FN1: variants seen among roughly 807,000 people sequenced by gnomAD.
The protein encoded by FN1 is fibronectin.
A neutral mutation model predicts 297.3 loss-of-function variants in FN1; 106 were observed. That is an observed-to-expected ratio of 0.36 (90% confidence interval 0.30 to 0.42). FN1 has a LOEUF of 0.42. Ranked by LOEUF, FN1 falls within the 10% of genes least tolerant of loss-of-function variation. The probability of loss-of-function intolerance (pLI) is 1.00; values close to 1 mark genes in which losing one functional copy is unlikely to be tolerated. For synonymous variants in FN1, 1,149 were observed against 1,152.6 expected (o/e 1.00, Z 0.06); for missense variants, 2,690 against 3,124.9 (o/e 0.86, Z 3.32).
Position 215,424,339 on chromosome 2 carries a change from C to A in FN1, c.1037-14G>T. The A allele has an allele frequency of 6.2e-7, 1 of 1,610,104 alleles. No individual in the cohort carries two copies. Among genetic ancestry groups the A allele is most frequent in the South Asian group, 1.1e-5 (1 of 90,912 alleles). ...TCTGGGTTACAGCTACAATCATAAT[C>A]AAAAGAGTGTCAGTAAACAGAGATG... On this transcript the variant is annotated splice_polypyrimidine_tract_variant and intron_variant, in intron 7 of 45. Coordinates refer to ENST00000354785, the MANE Select transcript of FN1 (RefSeq NM_212482.4).
At position 215,394,626 on chromosome 2, in the gene FN1, G is replaced by A. The variant is rs765864571; in HGVS notation, c.3698C>T (p.Thr1233Ile). Residue 1233 changes from threonine (T) to isoleucine (I), a missense_variant, in exon 24 of 46, where the codon ACT becomes ATT. Coordinates refer to ENST00000354785, the MANE Select transcript of FN1 (RefSeq NM_212482.4). The stretch of plus-strand genomic sequence containing the variant: ...CAGGCCGGGACTCAGGTTATCAAAA[G>A]TGCAGGAGCTCTGATCAGCATGGAC... ...EVVHADQSSC[T>I]FDNLSPGLEY... The A allele has an allele frequency of 6.2e-7, 1 of 1,614,100 alleles. No individual in the cohort carries two copies. The highest frequency in any genetic ancestry group is 8.5e-7 in the Non-Finnish European group (1 of 1,179,948).
chr2:215,391,793 A>G lies in FN1; in HGVS notation c.4091T>C (p.Leu1364Pro). 1 of 1,614,148 alleles carries G rather than the reference A, an allele frequency of 6.2e-7. No homozygotes were observed. The highest frequency in any genetic ancestry group is 8.5e-7 in the Non-Finnish European group (1 of 1,179,982). The change falls in exon 26 of 46, where the codon CTG (leucine) becomes CCG (proline). Residue 1364 changes from leucine to proline, a missense_variant. Transcript: ENST00000354785. ...GTCTGGACCAATGTTGGTGAATCGC[A>G]GGTCAGTGGGAGGAGGAACAGCTGG... ...QQTAVPPPTDLRFTNIGPDTM... is the reference protein window; with the variant it reads ...QQTAVPPPTDPRFTNIGPDTM...
At chr2:215,384,695 C>A (rs543073750) in intron 29 of FN1, 165 bp downstream of exon 29, 96 of 596,472 alleles carry the variant, frequency 1.6e-4, no homozygotes, top group African/African-American at 1.5e-3. Flanking sequence ...GGTTTTAGAA[C>A]AAATTATATC....
chr2:215,392,371 G>C (rs2059803278), intron 25 of FN1: 2 of 183,212 alleles, frequency 1.1e-5, no homozygotes, highest in Non-Finnish European at 2.3e-5. Flanking sequence ...TCCCCAGACT[G>C]TGGTTAAAGA....
intron 20 of FN1, among the ~76,000 whole-genome samples, chr2:215,401,885 T>C (rs1360918242): frequency 6.6e-6 from 1 of 151,970 alleles, no homozygotes; most frequent in African/African-American, 2.4e-5. Context: ...ATTGAGGTAC[T>C]ACTGGTTTAG....
At chr2:215,428,435 AT>A in intron 5 of FN1, 97 bp from the exon 6 acceptor site, 1 of 1,040,636 alleles carries the variant, frequency 9.6e-7, no homozygotes, top group Non-Finnish European at 1.5e-6. Flanking sequence ...CTGGTAATCT[AT>A]TTTTGGTAAT....
At chr2:215,361,860 T>A in intron 45 of FN1, 109 bp downstream of exon 45, 5 of 1,401,352 alleles carry the variant, frequency 3.6e-6, no homozygotes, top group Non-Finnish European at 4.9e-6. Context: ...ATTTATGAGT[T>A]GTTTTTTTTT....
Position 215,424,339 on chromosome 2 carries a change from CA to C in FN1, c.1037-15del. Reference sequence around the variant, plus strand: ...TCTGGGTTACAGCTACAATCATAATCAAAAGAGTGTCAGTAAACAGAGATGC... The same window carrying C: ...TCTGGGTTACAGCTACAATCATAATCAAAGAGTGTCAGTAAACAGAGATGC... On this transcript the variant is annotated splice_polypyrimidine_tract_variant and intron_variant, in intron 7 of 45. Transcript: ENST00000354785. The C allele has an allele frequency of 6.2e-7, 1 of 1,610,104 alleles. No individual in the cohort carries two copies. Among genetic ancestry groups the C allele is most frequent in the Non-Finnish European group, 8.5e-7 (1 of 1,176,476 alleles).
intron 1 of FN1, among the ~76,000 whole-genome samples, chr2:215,435,256 C>A (rs971552331): frequency 1.3e-5 from 2 of 152,084 alleles, no homozygotes; most frequent in Middle Eastern, 3.2e-3. Context: ...CCCCTTTCCA[C>A]CCCCATGTTG....
rs763914663 is a variant in FN1 at position 215,386,739 on chromosome 2, G to C, written c.4562C>G (p.Ala1521Gly). ...PGTEYVVSIV[A>G]LNGREESPLL... is the part of the protein sequence containing the mutation. ...GGGACTTTCCTCTCTGCCATTAAGA[G>C]CAACGATGCTGACCACATACTCTGT... Residue 1521 changes from alanine to glycine, a missense_variant, in exon 28 of 46, where the codon GCT (alanine) becomes GGT (glycine). Ala to Gly is a moderately conservative substitution (Grantham distance 60, BLOSUM62 0). Coordinates refer to ENST00000354785, the MANE Select transcript of FN1 (RefSeq NM_212482.4). The C allele has an allele frequency of 3.7e-5, 60 of 1,613,882 alleles. No individual in the cohort carries two copies. In the South Asian group the frequency reaches 6.3e-4, roughly 17 times the overall value.
intron 40 of FN1, 143 bp from the exon 41 acceptor site, chr2:215,370,575 G>C (rs2055786880): frequency 1.4e-6 from 1 of 733,828 alleles, no homozygotes; most frequent in African/African-American, 2.2e-5. Context: ...AAAAGAGGGA[G>C]GGTATAGTGG....
rs10577918 is a variant in FN1 at position 215,365,806 on chromosome 2, ATT to A, written c.7019-178_7019-177del. The A allele has an allele frequency of 0.37, 93,373 of 250,646 alleles. 17,303 individuals are homozygous for A. The highest frequency in any genetic ancestry group is 0.54 in the South Asian group (5,212 of 9,638). 15.5% of individuals were successfully genotyped at this position (250,646 alleles called of 1,614,324 possible). ...TATTTTATTTATTTATTTACTTTTT[ATT>A]TTTTTTTTTTTTTTTGAGACAAAGT... On this transcript the variant is annotated intron_variant, in intron 42 of 45. Transcript: ENST00000354785.
At position 215,404,483 on chromosome 2, in the gene FN1, C is replaced by G; in HGVS notation, c.3159G>C (p.Leu1053=). 6.2e-7 allele frequency: 1 copy of G among 1,614,060 alleles called. No homozygotes were observed. Among genetic ancestry groups the G allele is most frequent in the Non-Finnish European group, 8.5e-7 (1 of 1,179,988 alleles). The change falls in exon 20 of 46, where the codon CTG becomes CTC. Residue 1053 remains leucine, a synonymous_variant. Transcript: ENST00000354785. ...ACTCAGATGCAGGCTGCAGATTCCT[C>G]AGTGGGTACTTGGAGACAGAGGGAC... is the stretch of plus-strand genomic sequence containing the variant. ...NVGPSVSKYP[L]RNLQPASEYT...
intron 13 of FN1, among the ~76,000 whole-genome samples, chr2:215,411,541 A>G (rs1032897586): frequency 6.6e-6 from 1 of 152,212 alleles, no homozygotes; most frequent in Non-Finnish European, 1.5e-5. Context: ...AGTTATTACA[A>G]GAAAATAACA....
At chr2:215,386,206 A>G (rs1037609052) in intron 28 of FN1, among the ~76,000 whole-genome samples, 79 of 148,832 alleles carry the variant, frequency 5.3e-4, no homozygotes, top group African/African-American at 1.7e-3. Flanking sequence ...CCTCCCCAGT[A>G]GCTGGGATTA....
Position 215,383,319 on chromosome 2 carries a change from G to C in FN1, c.5050+9C>G, listed in dbSNP as rs777428112. ...CACCGCACCTGGCCGAGATGCAGAT[G>C]ATTCTTACCTGGACCTGCAGTTTTA... On this transcript the variant is annotated intron_variant, in intron 31 of 45. Transcript: ENST00000354785. 5 of 1,614,006 alleles carry C rather than the reference G, an allele frequency of 3.1e-6. No homozygotes were observed. Among genetic ancestry groups the C allele is most frequent in the Non-Finnish European group, 2.5e-6 (3 of 1,179,912 alleles).
chr2:215,432,135 CAGTTA>C (rs1433964526), intron 3 of FN1, among the ~76,000 whole-genome samples, 171 bp from the exon 4 acceptor site: 1 of 152,060 alleles, frequency 6.6e-6, no homozygotes, highest in East Asian at 1.9e-4. Context: ...GGAGTCAATT[CAGTTA>C]AGTGTCTTGC....
At position 215,414,951 on chromosome 2, in the gene FN1, A is replaced by T. The variant is rs2063230734; in HGVS notation, c.1827T>A (p.Ser609Arg). 1 of 1,613,464 alleles carries T rather than the reference A, an allele frequency of 6.2e-7. No homozygotes were observed. Among genetic ancestry groups the T allele is most frequent in the East Asian group, 2.2e-5 (1 of 44,878 alleles). The change falls in exon 13 of 46, where the codon AGT (serine) becomes AGA (arginine). Residue 609 changes from serine to arginine, a missense_variant. Around this residue, in one of 3 missense-constraint regions of FN1, gnomAD observed 876 missense variants for 1,058.1 expected, o/e 0.83. Transcript: ENST00000354785. ...CQPLQTYPSSSGPVEVFITET... is the reference protein window; with the variant it reads ...CQPLQTYPSSRGPVEVFITET... ...CAGTGATAAATACTTCGACAGGACCACTTGAGCCTGAAAATGAAAATGTAG... is the reference window on the plus strand; with the variant it reads ...CAGTGATAAATACTTCGACAGGACCTCTTGAGCCTGAAAATGAAAATGTAG...
intron 20 of FN1, 48 bp downstream of exon 20, chr2:215,404,341 T>C: frequency 6.6e-7 from 1 of 1,524,184 alleles, no homozygotes; most frequent in Non-Finnish European, 9.1e-7. Context: ...GCATGAAGAA[T>C]AGAGAATGTA....
Sources: allele counts gnomAD v4.1 joint callset (sites outside exome capture counted in the v4.1 genomes callset), GRCh38; gene constraint gnomAD v4.1.1; regional missense constraint gnomAD v4.1.1; transcripts MANE v1.5; gene names NCBI Gene and HGNC (gene_info 2026-07-23, HGNC 2026-07-21).